CDC42BPA: variants seen among roughly 807,000 people sequenced by gnomAD.
CDC42BPA encodes CDC42 binding protein kinase alpha.
A neutral mutation model predicts 223.5 loss-of-function variants in CDC42BPA; 80 were observed. The observed-to-expected ratio is 0.36, with a 90% CI of 0.30 to 0.43. The LOEUF (loss-of-function observed/expected upper bound fraction) is 0.43. Among genes scored for constraint, CDC42BPA ranks in the 20% least tolerant of loss-of-function variants. The probability of loss-of-function intolerance (pLI) is 1.00; values close to 1 mark genes in which losing one functional copy is unlikely to be tolerated. For synonymous variants in CDC42BPA, 694 were observed against 718.6 expected (o/e 0.97, Z 0.55); for missense variants, 1,743 against 2,099.9 (o/e 0.83, Z 3.32).
At chr1:227,085,183 C>A (rs1681600120) in intron 16 of CDC42BPA, among the ~76,000 whole-genome samples, 1 of 152,000 alleles carries the variant, frequency 6.6e-6, no homozygotes, top group African/African-American at 2.4e-5. Context: ...CATACATATA[C>A]CACCTCCCAC....
chr1:227,078,222 C>T (rs1320504910), intron 17 of CDC42BPA, among the ~76,000 whole-genome samples: 11 of 152,096 alleles, frequency 7.2e-5, no homozygotes, highest in Non-Finnish European at 1.5e-4. Context: ...ATTATTCCCA[C>T]CCTTCTTGAG....
chr1:227,281,771 G>A (rs1021790288), intron 1 of CDC42BPA, among the ~76,000 whole-genome samples: 5 of 152,196 alleles, frequency 3.3e-5, no homozygotes, highest in Non-Finnish European at 7.3e-5. Context: ...GATCAGCACT[G>A]CCCAAAGACT....
At chr1:227,312,316 C>G (rs1223112541) in intron 1 of CDC42BPA, among the ~76,000 whole-genome samples, 1 of 151,962 alleles carries the variant, frequency 6.6e-6, no homozygotes, top group Non-Finnish European at 1.5e-5. Context: ...AAGAGTGGTA[C>G]AATAAAATAT....
At chr1:227,088,676 A>T (rs1247210826) in intron 16 of CDC42BPA, among the ~76,000 whole-genome samples, 2 of 152,182 alleles carry the variant, frequency 1.3e-5, no homozygotes, top group African/African-American at 2.4e-5. Flanking sequence ...ATTTTTAAAA[A>T]TTTGTTATGA....
At chr1:227,197,799 T>C (rs907429347) in intron 4 of CDC42BPA, among the ~76,000 whole-genome samples, 1 of 152,170 alleles carries the variant, frequency 6.6e-6, no homozygotes, top group Non-Finnish European at 1.5e-5. Flanking sequence ...TCATGATACA[T>C]TGCTATAATT....
chr1:227,080,961 A>G lies in CDC42BPA; in HGVS notation c.2412T>C (p.Val804=), dbSNP rs1321656018. ...SIHNQQLEEE[V]KDLADKKESV... The stretch of plus-strand genomic sequence containing the variant: ...ATTCTTTCTTGTCTGCTAGATCTTT[A>G]ACCTCTTCTTCTAACTGCTGGTTGT... The change falls in exon 17 of 37, where the codon GTT becomes GTC. Residue 804 remains valine (V), a synonymous_variant. Coordinates refer to ENST00000366766, the MANE Select transcript of CDC42BPA (RefSeq NM_001394014.1). The G allele has an allele frequency of 1.2e-6, 2 of 1,613,680 alleles. No homozygotes were observed. Among genetic ancestry groups the G allele is most frequent in the Non-Finnish European group, 1.7e-6 (2 of 1,179,718 alleles).
chr1:227,207,354 T>A (rs1193125887), intron 3 of CDC42BPA, among the ~76,000 whole-genome samples: 3 of 123,776 alleles, frequency 2.4e-5, no homozygotes, highest in Non-Finnish European at 6.0e-5. Context: ...TTTTCATCTT[T>A]TTTTTTCTTT....
chr1:227,236,139 C>G (rs1678973258), intron 2 of CDC42BPA, among the ~76,000 whole-genome samples: 4 of 152,170 alleles, frequency 2.6e-5, no homozygotes, highest in African/African-American at 9.7e-5. Context: ...GTTAGAGCTG[C>G]AACTCTGCTA....
At position 227,171,136 on chromosome 1, in the gene CDC42BPA, T is replaced by C. The variant is rs185657968; in HGVS notation, c.600-10500A>G. Among the ~76,000 whole-genome samples, 411 of 152,300 alleles carry C rather than the reference T, an allele frequency of 2.7e-3. 2 individuals are homozygous for C. Among genetic ancestry groups the C allele is most frequent in the African/African-American group, 9.5e-3 (393 of 41,558 alleles). On this transcript the variant is annotated intron_variant, in intron 5 of 36. Coordinates refer to ENST00000366766, the MANE Select transcript of CDC42BPA (RefSeq NM_001394014.1). ...ATAATTCATGAAAACTGAGAAATGT[T>C]TGGAAGAGATAAAATATCTATTACT... is the stretch of plus-strand genomic sequence containing the variant.
chr1:227,050,529 A>C (rs948541168), intron 22 of CDC42BPA, among the ~76,000 whole-genome samples: 1 of 152,222 alleles, frequency 6.6e-6, no homozygotes, highest in African/African-American at 2.4e-5. Context: ...CACTGATAAT[A>C]ATGAAAAATT....
chr1:227,295,943 C>A (rs780479650), intron 1 of CDC42BPA, among the ~76,000 whole-genome samples: 1 of 152,206 alleles, frequency 6.6e-6, no homozygotes, highest in Non-Finnish European at 1.5e-5. Flanking sequence ...CTAGAAAACA[C>A]AGTCAATCGG....
intron 2 of CDC42BPA, among the ~76,000 whole-genome samples, chr1:227,253,311 G>A (rs80237401): frequency 0.06 from 9,143 of 152,166 alleles, 276 homozygotes; most frequent in Non-Finnish European, 0.073. Flanking sequence ...CAAGTGAGTC[G>A]AAATTGAAAA....
At position 227,230,427 on chromosome 1, in the gene CDC42BPA, G is replaced by C. The variant is rs183300635; in HGVS notation, c.271-17208C>G. Among the ~76,000 whole-genome samples the C allele has an allele frequency of 6.0e-3, 916 of 152,318 alleles. 10 individuals carry two copies. Among genetic ancestry groups the C allele is most frequent in the African/African-American group, 0.021 (863 of 41,566 alleles). ...TAGAATTTATAGATTAGGGAGAACT[G>C]ATATCGTTACAAATATGTTGTACTA... is the stretch of plus-strand genomic sequence containing the variant. On this transcript the variant is annotated intron_variant, in intron 2 of 36. Transcript: ENST00000366766.
intron 2 of CDC42BPA, among the ~76,000 whole-genome samples, chr1:227,237,935 A>T (rs573344372): frequency 6.8e-6 from 1 of 147,468 alleles, no homozygotes; most frequent in African/African-American, 2.5e-5. Flanking sequence ...ACTACTCGGG[A>T]GGCTAAGACA....
intron 6 of CDC42BPA, among the ~76,000 whole-genome samples, chr1:227,148,236 C>T (rs1430035039): frequency 6.6e-6 from 1 of 152,074 alleles, no homozygotes; most frequent in Non-Finnish European, 1.5e-5. Context: ...GGGAGAATCA[C>T]TTGGGCCCAG....
chr1:227,289,711 C>T (rs1689376554), intron 1 of CDC42BPA, among the ~76,000 whole-genome samples: 1 of 152,048 alleles, frequency 6.6e-6, no homozygotes, highest in African/African-American at 2.4e-5. Flanking sequence ...GTGTGTACTC[C>T]ACAAACACTG....
At chr1:227,104,800 A>G (rs1268234472) in intron 14 of CDC42BPA, among the ~76,000 whole-genome samples, 1 of 152,162 alleles carries the variant, frequency 6.6e-6, no homozygotes, top group Non-Finnish European at 1.5e-5. Context: ...GTATCTTACA[A>G]GCCAAGCAAT....
rs147198984 is a variant in CDC42BPA, at chr1:227,027,061, G to A, written c.4433-909C>T. 3.7e-3 allele frequency among the ~76,000 whole-genome samples: 567 copies of A among 152,208 alleles called. 3 individuals carry two copies. Among genetic ancestry groups the A allele is most frequent in the African/African-American group, 0.013 (548 of 41,516 alleles). ...TCCTGCCTCAGCCTCCTGAAGTGCT[G>A]GGATTACAGGTGTAAGCCACTGTGC... is the stretch of plus-strand genomic sequence containing the variant. On this transcript the variant is annotated intron_variant, in intron 30 of 36. Coordinates refer to ENST00000366766, the MANE Select transcript of CDC42BPA (RefSeq NM_001394014.1).
chr1:227,064,222 T>C (rs1300955148), intron 21 of CDC42BPA, among the ~76,000 whole-genome samples: 2 of 152,194 alleles, frequency 1.3e-5, no homozygotes, highest in African/African-American at 2.4e-5. Context: ...GTTGAGTACA[T>C]TCTCATTTTC....
Sources: gnomAD v4.1 joint callset for allele counts (sites outside exome capture counted in the v4.1 genomes callset) on GRCh38, gnomAD v4.1.1 for gene constraint, MANE v1.5 for transcripts, NCBI Gene and HGNC (gene_info 2026-07-23, HGNC 2026-07-21) for gene names.